KCNQ3: variants seen among roughly 807,000 people sequenced by gnomAD.
KCNQ3 encodes the protein potassium voltage-gated channel subfamily Q member 3, also known as potassium voltage-gated channel subfamily KQT member 3.
KCNQ3 carries 30 observed loss-of-function variants against 92.5 expected under a neutral mutation model. The ratio of observed to expected loss-of-function variants is 0.32; its 90% confidence interval spans 0.24 to 0.44. The LOEUF (loss-of-function observed/expected upper bound fraction) is 0.44, where lower values mean the gene tolerates loss of function less well. Among genes scored for constraint, KCNQ3 ranks in the 20% least tolerant of loss-of-function variants. The pLI, the probability that KCNQ3 is intolerant of heterozygous loss-of-function variation, is 1.00. For missense variants in KCNQ3, 913 were observed against 1,140.3 expected, an observed-to-expected ratio of 0.80 and a Z score of 2.87; for synonymous variants, 450 against 468.8, an observed-to-expected ratio of 0.96 and a Z score of 0.52.
chr8:132,375,934 T>C (rs779057778), intron 1 of KCNQ3, among the ~76,000 whole-genome samples: 7 of 152,206 alleles, frequency 4.6e-5, no homozygotes, highest in Non-Finnish European at 8.8e-5. Flanking sequence ...AGTCAATTAT[T>C]CAGGTTAGAA....
At chr8:132,329,859 C>G (rs1399323713) in intron 1 of KCNQ3, among the ~76,000 whole-genome samples, 1 of 152,210 alleles carries the variant, frequency 6.6e-6, no homozygotes, top group Non-Finnish European at 1.5e-5. Context: ...TGTGCCCTCG[C>G]AACTCATGAA....
At chr8:132,240,501 A>G (rs1814961478) in intron 1 of KCNQ3, among the ~76,000 whole-genome samples, 1 of 152,090 alleles carries the variant, frequency 6.6e-6, no homozygotes. Context: ...CATGATTCTT[A>G]ATTCCAGCTA....
intron 1 of KCNQ3, among the ~76,000 whole-genome samples, chr8:132,188,173 G>A (rs1327377490): frequency 2.6e-5 from 4 of 152,176 alleles, no homozygotes; most frequent in Non-Finnish European, 4.4e-5. Flanking sequence ...GCAGATCCCG[G>A]TCATCTCATC....
intron 1 of KCNQ3, among the ~76,000 whole-genome samples, chr8:132,409,792 G>A (rs555882446): frequency 3.3e-5 from 5 of 152,316 alleles, no homozygotes; most frequent in African/African-American, 1.2e-4. Flanking sequence ...GAGACACTGG[G>A]ACAGTTGGAT....
Position 132,133,233 on chromosome 8 carries a change from T to C in KCNQ3, c.1800-969A>G, listed in dbSNP as rs145312105. On this transcript the variant is annotated intron_variant, in intron 13 of 14. Transcript: ENST00000388996. ...GTAGAGACTTCATTCCTACCTCTTT[T>C]AGATGGGGCACGCATTCTCCAGGTG... 4.3e-3 allele frequency among the ~76,000 whole-genome samples: 648 copies of C among 152,322 alleles called. 5 individuals carry two copies. The highest frequency in any genetic ancestry group is 6.0e-3 in the Admixed American group (92 of 15,302).
At chr8:132,364,399 G>T (rs998578404) in intron 1 of KCNQ3, among the ~76,000 whole-genome samples, 9 of 152,192 alleles carry the variant, frequency 5.9e-5, no homozygotes, top group Non-Finnish European at 1.3e-4. Flanking sequence ...ATGTGGAATT[G>T]CCTAAGCCTT....
intron 1 of KCNQ3, among the ~76,000 whole-genome samples, chr8:132,453,052 G>GA (rs1287481052): frequency 2.0e-5 from 3 of 152,264 alleles, no homozygotes; most frequent in African/African-American, 7.2e-5. Flanking sequence ...TCCTGGATCC[G>GA]AAAGAAGCCA....
intron 1 of KCNQ3, among the ~76,000 whole-genome samples, chr8:132,316,303 C>T (rs533614437): frequency 6.6e-6 from 1 of 152,272 alleles, no homozygotes; most frequent in Admixed American, 6.5e-5. Context: ...ATCTTCTCCC[C>T]TTCTGAGTCA....
chr8:132,257,828 C>T lies in KCNQ3; in HGVS notation c.387-71647G>A, dbSNP rs183220393. On this transcript the variant is annotated intron_variant, in intron 1 of 14. Transcript: ENST00000388996. ...AGATTAAATATAAACTATAGAAAAA[C>T]ATGTACCATACAAATGGTAACCAAT... 4.2e-3 allele frequency among the ~76,000 whole-genome samples: 614 copies of T among 144,592 alleles called. 5 individuals are homozygous for T. The highest frequency in any genetic ancestry group is 0.015 in the African/African-American group (582 of 39,206). 94.9% of individuals were successfully genotyped at this position (144,592 alleles called of 152,430 possible). A position where few individuals can be genotyped will look rare whatever the true frequency, so the allele number is the denominator to read the frequency against.
chr8:132,203,563 A>G (rs963280987), intron 1 of KCNQ3, among the ~76,000 whole-genome samples: 3 of 152,240 alleles, frequency 2.0e-5, no homozygotes, highest in Non-Finnish European at 4.4e-5. Flanking sequence ...TGACAAAGGC[A>G]TGCTCCCTTG....
At chr8:132,205,259 A>C (rs1813620664) in intron 1 of KCNQ3, among the ~76,000 whole-genome samples, 1 of 152,248 alleles carries the variant, frequency 6.6e-6, no homozygotes, top group Non-Finnish European at 1.5e-5. Flanking sequence ...TCATTGTAGG[A>C]ATCTGCATGA....
rs1032011204 is a variant in KCNQ3, at chr8:132,293,098, G to A, written c.387-106917C>T. Among the ~76,000 whole-genome samples, 5 of 152,278 alleles carry A rather than the reference G, an allele frequency of 3.3e-5. No individual in the cohort carries two copies. In the South Asian group the frequency reaches 8.3e-4, roughly 25 times the overall value. On this transcript the variant is annotated intron_variant, in intron 1 of 14. Coordinates refer to ENST00000388996, the MANE Select transcript of KCNQ3 (RefSeq NM_004519.4). The stretch of plus-strand genomic sequence containing the variant: ...TTTCTGGAGGGTGGCGGTGCATCCA[G>A]GGAGGGCATGGAAGCTCCACACCCC...
chr8:132,323,930 C>G (rs887149172), intron 1 of KCNQ3, among the ~76,000 whole-genome samples: 6 of 152,190 alleles, frequency 3.9e-5, no homozygotes, highest in Non-Finnish European at 5.9e-5. Flanking sequence ...CCTTGGCAAT[C>G]AAGACCCTCC....
At chr8:132,166,914 A>C (rs1242168587) in intron 8 of KCNQ3, among the ~76,000 whole-genome samples, 1 of 152,184 alleles carries the variant, frequency 6.6e-6, no homozygotes, top group Non-Finnish European at 1.5e-5. Flanking sequence ...AGACTTACCA[A>C]TCCTACTCCT....
At chr8:132,345,613 T>C (rs1818663896) in intron 1 of KCNQ3, among the ~76,000 whole-genome samples, 1 of 152,224 alleles carries the variant, frequency 6.6e-6, no homozygotes, top group South Asian at 2.1e-4. Flanking sequence ...TTGAATACTG[T>C]CTTGATAATT....
chr8:132,163,714 T>A (rs1489507061), intron 8 of KCNQ3, among the ~76,000 whole-genome samples: 1 of 152,138 alleles, frequency 6.6e-6, no homozygotes, highest in Non-Finnish European at 1.5e-5. Context: ...TTCAGGGCTC[T>A]TTTCAGCCAG....
chr8:132,446,301 A>G (rs562930921), intron 1 of KCNQ3, among the ~76,000 whole-genome samples: 26 of 152,330 alleles, frequency 1.7e-4, no homozygotes, highest in Non-Finnish European at 3.1e-4. Context: ...AATTTTGGAA[A>G]GACTGTGCAA....
intron 9 of KCNQ3, among the ~76,000 whole-genome samples, chr8:132,155,192 T>A (rs1825766063): frequency 6.6e-6 from 1 of 152,188 alleles, no homozygotes; most frequent in Admixed American, 6.5e-5. Flanking sequence ...CATCAGATTG[T>A]GAGGGCCTTT....
intron 1 of KCNQ3, among the ~76,000 whole-genome samples, chr8:132,382,513 A>G (rs1196755058): frequency 6.6e-6 from 1 of 152,216 alleles, no homozygotes; most frequent in Non-Finnish European, 1.5e-5. Flanking sequence ...CATGAGTCAA[A>G]TAAACCTCTT....
Sources: allele counts gnomAD v4.1 joint callset (sites outside exome capture counted in the v4.1 genomes callset), GRCh38; gene constraint gnomAD v4.1.1; transcripts MANE v1.5; gene names NCBI Gene and HGNC (gene_info 2026-07-23, HGNC 2026-07-21).